CRYBG3: variants seen among roughly 807,000 people sequenced by gnomAD.
The protein encoded by CRYBG3 is very large A-kinase anchor protein.
Under a neutral mutation model 244.2 loss-of-function variants are expected in CRYBG3, and 127 were observed. That is an observed-to-expected ratio of 0.52 (90% CI 0.45 to 0.60). CRYBG3 has a LOEUF of 0.60. CRYBG3 is among the 20% of genes least tolerant of loss of function. The pLI, the probability that CRYBG3 is intolerant of heterozygous loss-of-function variation, is 0.00. For synonymous variants in CRYBG3, 1,132 were observed against 1,195.8 expected (o/e 0.95, Z 1.10); for missense variants, 3,325 against 3,442.5 (o/e 0.97, Z 0.85).
At chr3:97,932,794 G>A (rs992358278) in intron 17 of CRYBG3, among the ~76,000 whole-genome samples, 1 of 152,048 alleles carries the variant, frequency 6.6e-6, no homozygotes, top group African/African-American at 2.4e-5. Context: ...TGTCCCATGT[G>A]TTTCTCTTGT....
chr3:97,877,552 T>C lies in CRYBG3; in HGVS notation c.6358T>C (p.Ser2120Pro), dbSNP rs768125151. The stretch of plus-strand genomic sequence containing the variant: ...GAAATCAAGAGACAGTGAAAACCAG[T>C]CCTCTTCTGTTTTATCCCTTCTCCA... Reference protein sequence around the residue: ...PRKSRDSENQSSSVLSLLQSV... With the variant: ...PRKSRDSENQPSSVLSLLQSV... Residue 2120 changes from serine (S) to proline (P), a missense_variant, in exon 4 of 22, where the codon TCC becomes CCC. Coordinates refer to ENST00000389622, the MANE Select transcript of CRYBG3 (RefSeq NM_153605.4). 1.9e-6 allele frequency: 3 copies of C among 1,613,976 alleles called. No individual in the cohort carries two copies. The highest frequency in any genetic ancestry group is 2.7e-5 in the African/African-American group (2 of 74,860).
chr3:97,848,543 C>T (rs368659026), intron 2 of CRYBG3, among the ~76,000 whole-genome samples: 3 of 152,228 alleles, frequency 2.0e-5, no homozygotes, highest in Middle Eastern at 3.4e-3. Context: ...CCTCGTGATC[C>T]GCCTGCCTCA....
At chr3:97,937,507 C>T (rs2040177546) in intron 19 of CRYBG3, among the ~76,000 whole-genome samples, 1 of 152,058 alleles carries the variant, frequency 6.6e-6, no homozygotes, top group Non-Finnish European at 1.5e-5. Flanking sequence ...CTTTATTTGA[C>T]TAGTCATCCC....
intron 1 of CRYBG3, among the ~76,000 whole-genome samples, chr3:97,832,680 C>T (rs1445006656): frequency 1.3e-5 from 2 of 152,112 alleles, no homozygotes; most frequent in South Asian, 2.1e-4. Flanking sequence ...CTGACTAAAA[C>T]ACCAAAAGCA....
Position 97,917,565 on chromosome 3 carries a change from G to C in CRYBG3, c.8241+1829G>C, listed in dbSNP as rs578090414. 1.4e-3 allele frequency among the ~76,000 whole-genome samples: 218 copies of C among 152,182 alleles called. 1 individual carries two copies. The Middle Eastern group carries it at 0.024, about 17-fold the overall frequency. ...CTACAAAGATCTGCAAAGTGACCATGAAGACACCTCAACAGGGGTCCCAAA... is the reference window on the plus strand; with the variant it reads ...CTACAAAGATCTGCAAAGTGACCATCAAGACACCTCAACAGGGGTCCCAAA... On this transcript the variant is annotated intron_variant, in intron 17 of 21. Coordinates refer to ENST00000389622, the MANE Select transcript of CRYBG3 (RefSeq NM_153605.4).
chr3:97,938,399 A>T (rs2040187616), intron 19 of CRYBG3, among the ~76,000 whole-genome samples: 1 of 152,060 alleles, frequency 6.6e-6, no homozygotes, highest in African/African-American at 2.4e-5. Flanking sequence ...CACTGAGCTG[A>T]ATATAGCCTA....
At chr3:97,868,643 G>A (rs1368146752) in intron 3 of CRYBG3, among the ~76,000 whole-genome samples, 2 of 152,048 alleles carry the variant, frequency 1.3e-5, no homozygotes, top group African/African-American at 4.8e-5. Flanking sequence ...TACTCAGAAA[G>A]CCCTAAAAAA....
At chr3:97,822,392 A>T in intron 1 of CRYBG3, 37 bp downstream of exon 1, 1 of 1,434,216 alleles carries the variant, frequency 7.0e-7, no homozygotes, top group South Asian at 1.4e-5. Flanking sequence ...GGGGCCCTGC[A>T]CATATTCGCG....
intron 10 of CRYBG3, among the ~76,000 whole-genome samples, chr3:97,891,685 G>A (rs1369110336): frequency 6.6e-6 from 1 of 151,948 alleles, no homozygotes; most frequent in Non-Finnish European, 1.5e-5. Flanking sequence ...TAGAGTTTTT[G>A]TTAAGATTAG....
intron 1 of CRYBG3, among the ~76,000 whole-genome samples, chr3:97,832,894 A>G (rs927760738): frequency 6.6e-6 from 1 of 152,172 alleles, no homozygotes; most frequent in African/African-American, 2.4e-5. Context: ...CCCATCAAAA[A>G]GTGCACAAAG....
Position 97,875,360 on chromosome 3 carries a change from GCA to G in CRYBG3, c.4169_4170del (p.Thr1390ArgfsTer4). The G allele has an allele frequency of 7.0e-7, 1 of 1,421,580 alleles. No homozygotes were observed. Among genetic ancestry groups the G allele is most frequent in the Non-Finnish European group, 9.1e-7 (1 of 1,096,178 alleles). 88.1% of individuals were successfully genotyped at this position (1,421,580 alleles called of 1,614,324 possible). ...TTCTCCCTAAGTAACTTAGCTAGTGGCACAGAGTCAATTAAGGGAGGAGAAAT... is the reference window on the plus strand; with the variant it reads ...TTCTCCCTAAGTAACTTAGCTAGTGGCAGAGTCAATTAAGGGAGGAGAAAT... On this transcript the variant is annotated frameshift_variant, in exon 4 of 22. Transcript: ENST00000389622. LOFTEE classifies it high-confidence loss of function.
rs1018898669 is a variant in CRYBG3 at position 97,876,442 on chromosome 3, G to A, written c.5248G>A (p.Gly1750Ser). 7 of 1,231,914 alleles carry A rather than the reference G, an allele frequency of 5.7e-6. No homozygotes were observed. Among genetic ancestry groups the A allele is most frequent in the Non-Finnish European group, 7.1e-6 (7 of 987,950 alleles). The allele number at this position is 1,231,914 out of a possible 1,614,324, so 76.3% of individuals were successfully genotyped here. A position where few individuals can be genotyped will look rare whatever the true frequency, so the allele number is the denominator to read the frequency against. ...NTYPKDTERD[G>S]GKTEVMPLAL... ...TTACCCAAAGGATACTGAAAGAGAC[G>A]GTGGCAAAACTGAGGTGATGCCCCT... Residue 1750 changes from glycine (G) to serine (S), a missense_variant, in exon 4 of 22, where the codon GGT becomes AGT. By Grantham distance (56) the Gly-to-Ser change is moderately conservative. Around this residue, in one of 4 missense-constraint regions of CRYBG3, gnomAD observed 635 missense variants for 771.7 expected, o/e 0.82. Coordinates refer to ENST00000389622, the MANE Select transcript of CRYBG3 (RefSeq NM_153605.4).
intron 17 of CRYBG3, among the ~76,000 whole-genome samples, chr3:97,923,685 A>G (rs762456924): frequency 6.6e-6 from 1 of 152,154 alleles, no homozygotes; most frequent in Non-Finnish European, 1.5e-5. Context: ...CACATTTTTA[A>G]AAGTTGCAGA....
At chr3:97,834,954 A>G (rs1307237905) in intron 1 of CRYBG3, among the ~76,000 whole-genome samples, 1 of 152,100 alleles carries the variant, frequency 6.6e-6, no homozygotes, top group African/African-American at 2.4e-5. Flanking sequence ...TCATAACCCT[A>G]CCCACTCAGA....
intron 17 of CRYBG3, among the ~76,000 whole-genome samples, chr3:97,923,204 A>G (rs2040001919): frequency 6.6e-6 from 1 of 152,048 alleles, no homozygotes; most frequent in South Asian, 2.1e-4. Flanking sequence ...TGGGGGAGTC[A>G]GGAGGGATAG....
At chr3:97,906,089 G>A (rs1439100676) in intron 15 of CRYBG3, among the ~76,000 whole-genome samples, 2 of 147,140 alleles carry the variant, frequency 1.4e-5, no homozygotes, top group African/African-American at 5.0e-5. Context: ...GCTCTGTTCT[G>A]TTCCATTGAT....
At chr3:97,822,955 G>T (rs958874134) in intron 1 of CRYBG3, among the ~76,000 whole-genome samples, 5 of 152,182 alleles carry the variant, frequency 3.3e-5, no homozygotes, top group African/African-American at 4.8e-5. Flanking sequence ...CACCAAAATG[G>T]ACTGGACATG....
intron 12 of CRYBG3, among the ~76,000 whole-genome samples, chr3:97,896,787 A>G (rs770543321): frequency 1.1e-4 from 17 of 152,148 alleles, no homozygotes; most frequent in Admixed American, 2.0e-4. Flanking sequence ...AACCCTTACA[A>G]TGTGAAGGAC....
At position 97,875,141 on chromosome 3, in the gene CRYBG3, C is replaced by G. The variant is rs1200148868; in HGVS notation, c.3947C>G (p.Ala1316Gly). ...TTAGTCAATGAGATTATTTATGTAG[C>G]CCAAGAAAAATTGAGAAATGATACT... is the stretch of plus-strand genomic sequence containing the variant. ...RELVNEIIYVAQEKLRNDTFE... is the reference protein window; with the variant it reads ...RELVNEIIYVGQEKLRNDTFE... The change falls in exon 4 of 22, where the codon GCC becomes GGC. Residue 1316 changes from alanine (A) to glycine (G), a missense_variant. This residue lies in a region of CRYBG3 where 635 missense variants were observed against 771.7 expected (regional missense o/e 0.82). Coordinates refer to ENST00000389622, the MANE Select transcript of CRYBG3 (RefSeq NM_153605.4). 2 of 1,534,950 alleles carry G rather than the reference C, an allele frequency of 1.3e-6. No individual in the cohort carries two copies. The highest frequency in any genetic ancestry group is 2.0e-5 in the Admixed American group (1 of 50,950).
Sources: gnomAD v4.1 joint callset for allele counts (sites outside exome capture counted in the v4.1 genomes callset) on GRCh38, gnomAD v4.1.1 for gene constraint, gnomAD v4.1.1 regional missense constraint, MANE v1.5 for transcripts, NCBI Gene and HGNC (gene_info 2026-07-23, HGNC 2026-07-21) for gene names.